The following MPP4 variants were observed in gnomAD, a reference collection of about 807,000 sequenced individuals.
MPP4 encodes MAGUK p55 subfamily member 4.
MPP4 carries 91 observed loss-of-function variants against 98.3 expected under a neutral mutation model. That is an observed-to-expected ratio of 0.93 (90% CI 0.78 to 1.10). The LOEUF (loss-of-function observed/expected upper bound fraction) is 1.10, where lower values mean the gene tolerates loss of function less well. Ranked by LOEUF, MPP4 falls within the 50% of genes least tolerant of loss-of-function variation. The probability of loss-of-function intolerance (pLI) is 0.00; values close to 1 mark genes in which losing one functional copy is unlikely to be tolerated. For synonymous variants in MPP4, 261 were observed against 271.8 expected, an observed-to-expected ratio of 0.96 and a Z score of 0.39; for missense variants, 744 against 792.9, an observed-to-expected ratio of 0.94 and a Z score of 0.74.
chr2:201,664,206 A>G (rs1688101414), intron 13 of MPP4, 105 bp from the exon 14 acceptor site: 5 of 1,500,056 alleles, frequency 3.3e-6, no homozygotes, highest in Non-Finnish European at 4.5e-6. Flanking sequence ...CTGCCCATAC[A>G]CCACCTTTGT....
At chr2:201,687,463 A>C (rs1221436120) in intron 4 of MPP4, 92 bp from the exon 5 acceptor site, 2 of 908,080 alleles carry the variant, frequency 2.2e-6, no homozygotes, top group Non-Finnish European at 3.4e-6. Context: ...ACATACTAAC[A>C]TGATATTGAC....
intron 10 of MPP4, among the ~76,000 whole-genome samples, chr2:201,676,334 G>A (rs1688505896): frequency 6.6e-6 from 1 of 152,178 alleles, no homozygotes; most frequent in African/African-American, 2.4e-5. Context: ...AGCAGCAGGA[G>A]GCATCTATGC....
chr2:201,655,974 G>A (rs1488848898), intron 17 of MPP4, among the ~76,000 whole-genome samples: 1 of 152,080 alleles, frequency 6.6e-6, no homozygotes, highest in Non-Finnish European at 1.5e-5. Flanking sequence ...ATAGTTCATG[G>A]ACACCATGTC....
chr2:201,659,184 C>T (rs1184879233), intron 15 of MPP4, among the ~76,000 whole-genome samples: 2 of 149,592 alleles, frequency 1.3e-5, no homozygotes, highest in Admixed American at 6.7e-5. Context: ...GGATTACGCC[C>T]GGCCTTGTTC....
chr2:201,661,398 C>T lies in MPP4; in HGVS notation c.1073-1052G>A, dbSNP rs372595015. The T allele has an allele frequency of 4.8e-5, 22 of 456,344 alleles. No homozygotes were observed. In the East Asian group the frequency reaches 1.3e-3, roughly 27 times the overall value. 28.3% of individuals were successfully genotyped at this position (456,344 alleles called of 1,614,324 possible). On this transcript the variant is annotated intron_variant, in intron 14 of 21. Coordinates refer to ENST00000409474, the MANE Select transcript of MPP4 (RefSeq NM_033066.3). ...AGAATTAAGCATCATGGAATGAATGCCAAGGGTTCTATGCTTAGAAAATAT... is the reference window on the plus strand; with the variant it reads ...AGAATTAAGCATCATGGAATGAATGTCAAGGGTTCTATGCTTAGAAAATAT...
chr2:201,682,736 C>T (rs774211618), intron 8 of MPP4, 95 bp downstream of exon 8: 36 of 1,037,706 alleles, frequency 3.5e-5, no homozygotes, highest in African/African-American at 2.9e-4. Context: ...CTTGAGTCCC[C>T]GGTACATCCC....
At chr2:201,676,130 C>G (rs1200700487) in intron 10 of MPP4, among the ~76,000 whole-genome samples, 1 of 152,210 alleles carries the variant, frequency 6.6e-6, no homozygotes, top group East Asian at 1.9e-4. Context: ...TGCAAATAAT[C>G]TGGGCCTCCC....
rs1248885197 is a variant in MPP4 at position 201,650,535 on chromosome 2, A to G, written c.1382-370T>C. 28 of 985,430 alleles carry G rather than the reference A, an allele frequency of 2.8e-5. No individual in the cohort carries two copies. In the East Asian group the frequency reaches 1.2e-3, roughly 44 times the overall value. The allele number at this position is 985,430 out of a possible 1,614,324, so 61.0% of individuals were successfully genotyped here. ...ATAATATCTTACATTTGGATAGTGC[A>G]TTTCCCATGATCTCATTTCATCTTC... On this transcript the variant is annotated intron_variant, in intron 18 of 21. Coordinates refer to ENST00000409474, the MANE Select transcript of MPP4 (RefSeq NM_033066.3).
At chr2:201,677,249 C>T (rs886612856) in intron 10 of MPP4, among the ~76,000 whole-genome samples, 1 of 152,152 alleles carries the variant, frequency 6.6e-6, no homozygotes, top group Non-Finnish European at 1.5e-5. Context: ...TTACAAAATG[C>T]TATCCTGTAC....
chr2:201,684,533 A>G (rs1688760281), intron 7 of MPP4, among the ~76,000 whole-genome samples: 1 of 152,206 alleles, frequency 6.6e-6, no homozygotes, highest in Non-Finnish European at 1.5e-5. Flanking sequence ...TTAATGTGGT[A>G]CCTAGAATGG....
At position 201,680,905 on chromosome 2, in the gene MPP4, G is replaced by A; in HGVS notation, c.862C>T (p.Gln288Ter). The A allele has an allele frequency of 1.2e-6, 2 of 1,613,772 alleles. No individual in the cohort carries two copies. Among genetic ancestry groups the A allele is most frequent in the Non-Finnish European group, 1.7e-6 (2 of 1,179,824 alleles). ...GCAGGGTCTGAGATTTTTCGGGCCTGCCACCAGAGGGCATCATTCTGGTCC... is the reference window on the plus strand; with the variant it reads ...GCAGGGTCTGAGATTTTTCGGGCCTACCACCAGAGGGCATCATTCTGGTCC... ...IVDQNDALWWQARKISDPATC... is the reference protein window; with the variant it reads ...IVDQNDALWW The change falls in exon 10 of 22, where the codon CAG becomes TAG. Residue 288 changes from glutamine to a stop codon, truncating the protein, a stop_gained. Transcript: ENST00000409474. LOFTEE classifies it high-confidence loss of function.
rs1279233455 is a variant in MPP4, at chr2:201,681,496, C to T, written c.732G>A (p.Met244Ile). The T allele has an allele frequency of 6.2e-7, 1 of 1,612,474 alleles. No homozygotes were observed. Among genetic ancestry groups the T allele is most frequent in the African/African-American group, 1.3e-5 (1 of 74,872 alleles). Residue 244 changes from methionine to isoleucine, a missense_variant and splice_region_variant, in exon 9 of 22, where the codon ATG (methionine) becomes ATA (isoleucine). Met to Ile is a conservative substitution (Grantham distance 10). Coordinates refer to ENST00000409474, the MANE Select transcript of MPP4 (RefSeq NM_033066.3). ...VSDPPVNSQQ[M>I]VYVRAMTEYW... ...GATTGAAGGCTCAGTAAATTCTTAC[C>T]ATCTGCTGGCTATTCACAGGAGGGT...
chr2:201,653,981 C>CT (rs773754338), intron 18 of MPP4, among the ~76,000 whole-genome samples: 93 of 145,908 alleles, frequency 6.4e-4, no homozygotes, highest in African/African-American at 1.1e-3. Flanking sequence ...TAAGAAAACA[C>CT]TTTTTTTTTT....
intron 21 of MPP4, chr2:201,646,880 A>T (rs1190564528): frequency 1.3e-5 from 2 of 152,184 alleles, no homozygotes; most frequent in Non-Finnish European, 2.9e-5. Flanking sequence ...ATGTGAATAT[A>T]CTTAACACTA....
At chr2:201,664,214 T>C in intron 13 of MPP4, 113 bp from the exon 14 acceptor site, 1 of 1,497,942 alleles carries the variant, frequency 6.7e-7, no homozygotes, top group Non-Finnish European at 9.0e-7. Flanking sequence ...ACACCACCTT[T>C]GTAAAGTTTT....
At chr2:201,684,442 T>C (rs956692551) in intron 7 of MPP4, among the ~76,000 whole-genome samples, 2 of 152,174 alleles carry the variant, frequency 1.3e-5, no homozygotes, top group African/African-American at 4.8e-5. Flanking sequence ...ATAATCTCTT[T>C]GAGCCTCAGT....
intron 19 of MPP4, 133 bp from the exon 20 acceptor site, chr2:201,649,817 AT>A (rs1190940031): frequency 1.4e-6 from 1 of 709,482 alleles, no homozygotes; most frequent in Non-Finnish European, 2.4e-6. Flanking sequence ...ATGAATAGAT[AT>A]TCAAGAGGTG....
chr2:201,645,979 G>T (rs533773298), intron 21 of MPP4, among the ~76,000 whole-genome samples: 230 of 152,190 alleles, frequency 1.5e-3, no homozygotes, highest in South Asian at 4.2e-3. Context: ...TAATTTGGAA[G>T]TTTTTTTAAA....
rs2105925096 is a variant in MPP4 at position 201,666,370 on chromosome 2, C to G, written c.1015G>C (p.Asp339His). 1 of 1,551,570 alleles carries G rather than the reference C, an allele frequency of 6.4e-7. No individual in the cohort carries two copies. The highest frequency in any genetic ancestry group is 1.2e-5 in the South Asian group (1 of 82,246). ...CATTTCTCATCAATCTTCATGTCAT[C>G]TTCTATAAAAGAGTATAGAAAGGGA... ...STLSISMEEE[D>H]DMKIDEKCVE... The change falls in exon 13 of 22, where the codon GAT becomes CAT. Residue 339 changes from aspartate (D) to histidine (H), a missense_variant and splice_region_variant. Physicochemically the swap from Asp to His is moderately conservative, Grantham distance 81. Coordinates refer to ENST00000409474, the MANE Select transcript of MPP4 (RefSeq NM_033066.3).
Sources: gnomAD v4.1 joint callset for allele counts (sites outside exome capture counted in the v4.1 genomes callset) on GRCh38, gnomAD v4.1.1 for gene constraint, MANE v1.5 for transcripts, NCBI Gene and HGNC (gene_info 2026-07-23, HGNC 2026-07-21) for gene names.